FAM53B: variants seen among roughly 807,000 people sequenced by gnomAD.
FAM53B encodes protein FAM53B.
In FAM53B, 12 loss-of-function variants were observed where a neutral mutation model predicts 32.7. The observed-to-expected ratio is 0.37, with a 90% CI of 0.24 to 0.59. FAM53B has a LOEUF of 0.59. Among genes scored for constraint, FAM53B ranks in the 20% least tolerant of loss-of-function variants. The pLI, the probability that FAM53B is intolerant of heterozygous loss-of-function variation, is 0.72. For synonymous variants in FAM53B, 234 were observed against 228.7 expected (o/e 1.02, Z -0.21); for missense variants, 477 against 577.7 (o/e 0.83, Z 1.79).
At chr10:124,717,150 C>T (rs867995751) in intron 1 of FAM53B, among the ~76,000 whole-genome samples, 4 of 152,208 alleles carry the variant, frequency 2.6e-5, no homozygotes, top group Admixed American at 6.5e-5. Flanking sequence ...GTGCCACTTA[C>T]TGGCTCTGCC....
chr10:124,676,777 G>T (rs944856483), intron 4 of FAM53B, among the ~76,000 whole-genome samples: 12 of 152,046 alleles, frequency 7.9e-5, no homozygotes, highest in African/African-American at 2.7e-4. Context: ...CCAGGAATAC[G>T]GCTCTCAGAG....
chr10:124,630,351 T>C (rs1589730362), intron 4 of FAM53B, among the ~76,000 whole-genome samples: 1 of 151,562 alleles, frequency 6.6e-6, no homozygotes, highest in African/African-American at 2.4e-5. Flanking sequence ...GTGGCAGAGG[T>C]CGCAGTGAGC....
chr10:124,666,756 G>A (rs1316894292), intron 4 of FAM53B, among the ~76,000 whole-genome samples: 1 of 152,244 alleles, frequency 6.6e-6, no homozygotes, highest in African/African-American at 2.4e-5. Context: ...CAGAGAAACA[G>A]TGAACTCCCC....
Position 124,678,295 on chromosome 10 carries a change from G to A in FAM53B, c.906+3312C>T, listed in dbSNP as rs1195207692. ...CCTGTGCCAGCCAATGCACTGGGGG[G>A]AGTGTGTGTACATACAGATACAGAT... On this transcript the variant is annotated intron_variant, in intron 4 of 4. Transcript: ENST00000337318. Among the ~76,000 whole-genome samples the A allele has an allele frequency of 2.0e-5, 3 of 152,170 alleles. No homozygotes were observed. In the East Asian group the frequency reaches 5.8e-4, roughly 29 times the overall value.
chr10:124,668,759 C>T (rs576775055), intron 4 of FAM53B, among the ~76,000 whole-genome samples: 1 of 152,386 alleles, frequency 6.6e-6, no homozygotes, highest in African/African-American at 2.4e-5. Flanking sequence ...CAAGTGTGCA[C>T]AGAACAGGCC....
intron 4 of FAM53B, chr10:124,667,529 A>G: frequency 1.4e-6 from 1 of 702,722 alleles, no homozygotes; most frequent in Admixed American, 2.1e-5. Flanking sequence ...CTGTGTGGTC[A>G]GAGGCTGCCC....
intron 1 of FAM53B, among the ~76,000 whole-genome samples, chr10:124,728,765 A>T (rs1314409294): frequency 6.6e-6 from 1 of 152,252 alleles, no homozygotes; most frequent in African/African-American, 2.4e-5. Flanking sequence ...GTTTTCTTAA[A>T]TGTCACCCCA....
chr10:124,654,657 T>C (rs1949576177), intron 4 of FAM53B, among the ~76,000 whole-genome samples: 1 of 151,878 alleles, frequency 6.6e-6, no homozygotes, highest in South Asian at 2.1e-4. Flanking sequence ...CCAGCTCGGG[T>C]GGTGGCAGAA....
At chr10:124,661,998 C>A (rs1949633863) in intron 4 of FAM53B, among the ~76,000 whole-genome samples, 2 of 152,188 alleles carry the variant, frequency 1.3e-5, no homozygotes, top group African/African-American at 4.8e-5. Flanking sequence ...CCTCATGTGT[C>A]CACCACGGCA....
intron 4 of FAM53B, among the ~76,000 whole-genome samples, chr10:124,667,890 G>A (rs935586230): frequency 3.3e-5 from 5 of 152,180 alleles, no homozygotes; most frequent in African/African-American, 1.2e-4. Flanking sequence ...TCCCTCATCA[G>A]GCTGCTTCAC....
intron 2 of FAM53B, chr10:124,703,779 A>C (rs185326191): frequency 1.3e-5 from 2 of 152,570 alleles, no homozygotes; most frequent in African/African-American, 4.8e-5. Context: ...CCAACAAAGC[A>C]AGGAGAGTTC....
At chr10:124,702,293 T>G (rs947137596) in intron 2 of FAM53B, among the ~76,000 whole-genome samples, 20 of 152,346 alleles carry the variant, frequency 1.3e-4, no homozygotes, top group African/African-American at 4.8e-4. Context: ...ATCGTTCCTG[T>G]TGTTATCTTG....
chr10:124,734,659 G>A (rs1226757818), intron 1 of FAM53B, among the ~76,000 whole-genome samples: 5 of 152,172 alleles, frequency 3.3e-5, no homozygotes, highest in African/African-American at 1.2e-4. Context: ...GTCACAGTCT[G>A]GAGTCAGGGC....
chr10:124,728,168 T>C (rs997498169), intron 1 of FAM53B, among the ~76,000 whole-genome samples: 2 of 152,256 alleles, frequency 1.3e-5, no homozygotes, highest in East Asian at 3.8e-4. Context: ...CTCGGTGAGT[T>C]AGCTGGAGGC....
rs1043394174 is a variant in FAM53B, at chr10:124,652,316, G to A, written c.907-28712C>T. Reference sequence around the variant, plus strand: ...TACGTTCACATCCAGCCGTGCCCAGGGGTGAACTGAGCAAGGAACTCATGC... The same window carrying A: ...TACGTTCACATCCAGCCGTGCCCAGAGGTGAACTGAGCAAGGAACTCATGC... On this transcript the variant is annotated intron_variant, in intron 4 of 4. Coordinates refer to ENST00000337318, the MANE Select transcript of FAM53B (RefSeq NM_014661.4). Among the ~76,000 whole-genome samples, 9 of 152,180 alleles carry A rather than the reference G, an allele frequency of 5.9e-5. 1 individual carries two copies. Among genetic ancestry groups the A allele is most frequent in the Non-Finnish European group, 1.2e-4 (8 of 68,036 alleles).
At chr10:124,692,504 C>G (rs1237972990) in intron 3 of FAM53B, among the ~76,000 whole-genome samples, 1 of 151,862 alleles carries the variant, frequency 6.6e-6, no homozygotes, top group East Asian at 1.9e-4. Flanking sequence ...CACCTGAGGT[C>G]AAGAGTTCGA....
At chr10:124,691,451 C>T (rs1442717005) in intron 3 of FAM53B, among the ~76,000 whole-genome samples, 1 of 152,106 alleles carries the variant, frequency 6.6e-6, no homozygotes, top group Non-Finnish European at 1.5e-5. Flanking sequence ...AATTTATTAC[C>T]ATAACTCCTA....
chr10:124,674,769 AG>A (rs1949727300), intron 4 of FAM53B, among the ~76,000 whole-genome samples: 1 of 152,230 alleles, frequency 6.6e-6, no homozygotes, highest in Admixed American at 6.5e-5. Flanking sequence ...TCAGCTGGTA[AG>A]GCCTTGTTCT....
intron 1 of FAM53B, among the ~76,000 whole-genome samples, chr10:124,743,188 A>G (rs1473454632): frequency 6.6e-6 from 1 of 152,186 alleles, no homozygotes; most frequent in Non-Finnish European, 1.5e-5. Flanking sequence ...ACTTGGGACA[A>G]CACAAACCGC....
Sources: allele counts gnomAD v4.1 joint callset (sites outside exome capture counted in the v4.1 genomes callset), GRCh38; gene constraint gnomAD v4.1.1; transcripts MANE v1.5; gene names NCBI Gene and HGNC (gene_info 2026-07-23, HGNC 2026-07-21).